Variants in SYT7 observed in about 807,000 individuals in gnomAD.
SYT7 encodes synaptotagmin-7.
A neutral mutation model predicts 75.1 loss-of-function variants in SYT7; 29 were observed. The observed-to-expected ratio is 0.39, with a 90% confidence interval of 0.29 to 0.53. The LOEUF (loss-of-function observed/expected upper bound fraction) is 0.53, where lower values mean the gene tolerates loss of function less well. Among genes scored for constraint, SYT7 ranks in the 20% least tolerant of loss-of-function variants. SYT7 has a pLI of 0.77. For missense variants in SYT7, 693 were observed against 953.2 expected, an observed-to-expected ratio of 0.73 and a Z score of 3.59; for synonymous variants, 376 against 401.7, an observed-to-expected ratio of 0.94 and a Z score of 0.76.
intron 1 of SYT7, among the ~76,000 whole-genome samples, chr11:61,560,907 C>G (rs957017149): frequency 6.6e-6 from 1 of 152,090 alleles, no homozygotes; most frequent in Non-Finnish European, 1.5e-5. Context: ...CTGTACCTCT[C>G]GCAGAGCCGA....
chr11:61,546,492 A>T lies in SYT7; in HGVS notation c.348-237T>A. 1 of 440,000 alleles carries T rather than the reference A, an allele frequency of 2.3e-6. No individual in the cohort carries two copies. Among genetic ancestry groups the T allele is most frequent in the Non-Finnish European group, 4.2e-6 (1 of 236,584 alleles). The allele number at this position is 440,000 out of a possible 1,614,324, so 27.3% of individuals were successfully genotyped here. A position where few individuals can be genotyped will look rare whatever the true frequency, so the allele number is the denominator to read the frequency against. ...GGGTTAACAGCGGAGCCTGCAGAGG[A>T]GAGAGGGGGACCGGGCGGGCTGGGG... On this transcript the variant is annotated intron_variant, in intron 4 of 12. Transcript: ENST00000539008. The surrounding 1 kb of genome is among the most constrained non-coding windows in gnomAD (Gnocchi z 7.6).
chr11:61,552,724 A>G (rs1181722576), intron 2 of SYT7, among the ~76,000 whole-genome samples: 1 of 152,178 alleles, frequency 6.6e-6, no homozygotes, highest in Non-Finnish European at 1.5e-5. Context: ...TCCCACCAGC[A>G]GTGCCCTACA....
chr11:61,576,960 A>G lies in SYT7; in HGVS notation c.31+3830T>C, dbSNP rs1166170480. ...GCACCCACCTATTGACCTGCCTTCC[A>G]GCTGTCCCCTTACCTGTCACCTACT... is the stretch of plus-strand genomic sequence containing the variant. On this transcript the variant is annotated intron_variant, in intron 1 of 12. Coordinates refer to ENST00000539008, the MANE Select transcript of SYT7 (RefSeq NM_001365809.2). This position sits in a 1 kb window ranked among gnomAD's most constrained non-coding sequence, Gnocchi z 4.1. Among the ~76,000 whole-genome samples the G allele has an allele frequency of 2.6e-5, 4 of 152,114 alleles. No individual in the cohort carries two copies. The highest frequency in any genetic ancestry group is 7.2e-5 in the African/African-American group (3 of 41,424).
intron 1 of SYT7, among the ~76,000 whole-genome samples, chr11:61,565,439 C>T (rs924967970): frequency 6.6e-6 from 1 of 152,184 alleles, no homozygotes; most frequent in Admixed American, 6.5e-5. Flanking sequence ...GTGAGCTAAA[C>T]CCTGCACCCC....
At chr11:61,573,792 T>C (rs60449976) in intron 1 of SYT7, among the ~76,000 whole-genome samples, 22,798 of 152,158 alleles carry the variant, frequency 0.15, 4,555 homozygotes, top group African/African-American at 0.46. Flanking sequence ...CCTCACCAAC[T>C]GCCTCACCTC....
At chr11:61,578,745 C>G (rs2064153763) in intron 1 of SYT7, among the ~76,000 whole-genome samples, 1 of 152,190 alleles carries the variant, frequency 6.6e-6, no homozygotes, top group South Asian at 2.1e-4. Flanking sequence ...TGTGCCCTCT[C>G]CAGCCTATGT....
Position 61,523,937 on chromosome 11 carries a change from C to T in SYT7, c.1646G>A (p.Ser549Asn), listed in dbSNP as rs367997522. ...GAGAGACAAGAGCAGCTCCCCTCGGCTCCCCTGGGAGGCACGACAGGAGGG... is the reference window on the plus strand; with the variant it reads ...GAGAGACAAGAGCAGCTCCCCTCGGTTCCCCTGGGAGGCACGACAGGAGGG... ...DLKPCSDGSGSRGELLLSLCY... is the reference protein window; with the variant it reads ...DLKPCSDGSGNRGELLLSLCY... Residue 549 changes from serine (S) to asparagine (N), a missense_variant, in exon 11 of 13, where the codon AGC becomes AAC. Ser to Asn is a conservative substitution (Grantham distance 46). Coordinates refer to ENST00000539008, the MANE Select transcript of SYT7 (RefSeq NM_001365809.2). This position sits in a 1 kb window ranked among gnomAD's most constrained non-coding sequence, Gnocchi z 5.0. The T allele has an allele frequency of 2.4e-5, 38 of 1,613,796 alleles. No homozygotes were observed. Among genetic ancestry groups the T allele is most frequent in the Non-Finnish European group, 3.1e-5 (37 of 1,179,862 alleles).
At chr11:61,585,085 T>G (rs1161105468), upstream of SYT7, among the ~76,000 whole-genome samples, 8 of 152,186 alleles carry the variant, frequency 5.3e-5, no homozygotes, top group Admixed American at 5.2e-4. Flanking sequence ...GGAGGGACAT[T>G]CTGTCCCTCA....
chr11:61,532,340 C>A (rs1034489400), intron 8 of SYT7, among the ~76,000 whole-genome samples: 2 of 152,182 alleles, frequency 1.3e-5, no homozygotes, highest in Non-Finnish European at 2.9e-5. Context: ...CTGCTGCCCC[C>A]CTGGGGGCAC....
intron 2 of SYT7, among the ~76,000 whole-genome samples, chr11:61,552,766 A>T (rs1022948641): frequency 1.4e-4 from 22 of 152,186 alleles, no homozygotes; most frequent in Admixed American, 1.3e-3. Context: ...GGCTCCAGCA[A>T]TGCTGCATGT....
intron 5 of SYT7, among the ~76,000 whole-genome samples, chr11:61,545,707 T>TG (rs56771816): frequency 2.6e-5 from 4 of 151,896 alleles, no homozygotes; most frequent in Admixed American, 6.5e-5. Flanking sequence ...GTGGCTGAGA[T>TG]GGGGGGGCCA....
At chr11:61,543,989 C>T (rs998909512) in intron 5 of SYT7, among the ~76,000 whole-genome samples, 9 of 152,208 alleles carry the variant, frequency 5.9e-5, no homozygotes, top group African/African-American at 1.9e-4. Context: ...GCCTGTGGGC[C>T]ACATCTAGCC....
intron 1 of SYT7, among the ~76,000 whole-genome samples, chr11:61,571,801 C>T (rs889191235): frequency 6.6e-6 from 1 of 152,206 alleles, no homozygotes; most frequent in Non-Finnish European, 1.5e-5. Context: ...TCCCTTAGGT[C>T]TGAGTGCCAG....
intron 2 of SYT7, among the ~76,000 whole-genome samples, chr11:61,552,180 G>A (rs1424390928): frequency 6.6e-6 from 1 of 152,258 alleles, no homozygotes; most frequent in East Asian, 1.9e-4. Flanking sequence ...GCTAAAGGAA[G>A]GGCCGTGGCC....
At position 61,567,715 on chromosome 11, in the gene SYT7, G is replaced by A. The variant is rs1474155902; in HGVS notation, c.32-11508C>T. Among the ~76,000 whole-genome samples, 4 of 152,208 alleles carry A rather than the reference G, an allele frequency of 2.6e-5. No individual in the cohort carries two copies. In the East Asian group the frequency reaches 7.7e-4, roughly 29 times the overall value. Reference sequence around the variant, plus strand: ...GCCGCACTGCCTCCTGGTGGCTGGCGCGGGCACTGCACCCCGGCGGGCGCA... The same window carrying A: ...GCCGCACTGCCTCCTGGTGGCTGGCACGGGCACTGCACCCCGGCGGGCGCA... On this transcript the variant is annotated intron_variant, in intron 1 of 12. Coordinates refer to ENST00000539008, the MANE Select transcript of SYT7 (RefSeq NM_001365809.2).
chr11:61,577,803 G>C (rs2064125367), intron 1 of SYT7, among the ~76,000 whole-genome samples: 1 of 152,156 alleles, frequency 6.6e-6, no homozygotes, highest in South Asian at 2.1e-4. Context: ...CAGCCTTCAG[G>C]ACCTAACCTC....
At chr11:61,519,447 G>A (rs996077806) in intron 12 of SYT7, among the ~76,000 whole-genome samples, 5 of 152,186 alleles carry the variant, frequency 3.3e-5, no homozygotes, top group Non-Finnish European at 7.3e-5. Context: ...GGTACATGGG[G>A]CCTTCTATAG....
chr11:61,577,338 G>A (rs2064111738), intron 1 of SYT7, among the ~76,000 whole-genome samples: 1 of 152,266 alleles, frequency 6.6e-6, no homozygotes, highest in Non-Finnish European at 1.5e-5. Flanking sequence ...CCAGGATGCA[G>A]GCCAGGGAGG....
At position 61,533,437 on chromosome 11, in the gene SYT7, C is replaced by T. The variant is rs748044725; in HGVS notation, c.1065-313G>A. On this transcript the variant is annotated intron_variant, in intron 7 of 12. Transcript: ENST00000539008. Reference sequence around the variant, plus strand: ...CCCTCCAGTCATTGGCTTGCATAGTCGGTCTCTGAGGTGGCCACTGCCCCC... The same window carrying T: ...CCCTCCAGTCATTGGCTTGCATAGTTGGTCTCTGAGGTGGCCACTGCCCCC... 1.6e-3 allele frequency: 1,605 copies of T among 985,364 alleles called. 1 individual carries two copies. The highest frequency in any genetic ancestry group is 1.8e-3 in the Non-Finnish European group (1,503 of 829,908). 61.0% of individuals were successfully genotyped at this position (985,364 alleles called of 1,614,324 possible).
Sources: gnomAD v4.1 joint callset for allele counts (sites outside exome capture counted in the v4.1 genomes callset) on GRCh38, gnomAD v4.1.1 for gene constraint, Gnocchi (gnomAD v3.1) non-coding constraint, MANE v1.5 for transcripts, NCBI Gene and HGNC (gene_info 2026-07-23, HGNC 2026-07-21) for gene names.